Variants in SAMD3 observed in about 807,000 individuals in gnomAD.
SAMD3 encodes sterile alpha motif domain-containing protein 3.
A neutral mutation model predicts 58.5 loss-of-function variants in SAMD3; 63 were observed. The ratio of observed to expected loss-of-function variants is 1.08; its 90% CI spans 0.88 to 1.33. The LOEUF (loss-of-function observed/expected upper bound fraction) is 1.33, where lower values mean the gene tolerates loss of function less well. Ranked by LOEUF, SAMD3 falls within the 40% of genes most tolerant of loss-of-function variation. The pLI is 0.00. For synonymous variants in SAMD3, 220 were observed against 210.3 expected (o/e 1.05, Z -0.40); for missense variants, 604 against 608.4 (o/e 0.99, Z 0.08).
intron 2 of SAMD3, among the ~76,000 whole-genome samples, chr6:130,277,377 T>C (rs1774812122): frequency 6.6e-6 from 1 of 152,234 alleles, no homozygotes; most frequent in Non-Finnish European, 1.5e-5. Flanking sequence ...AGCCAGCCTG[T>C]AAGGCTAGAA....
chr6:130,205,608 G>A (rs778285052), intron 5 of SAMD3, among the ~76,000 whole-genome samples: 25 of 152,118 alleles, frequency 1.6e-4, no homozygotes, highest in Non-Finnish European at 2.9e-4. Flanking sequence ...TCAGCCCCAA[G>A]TTCCATTTTA....
chr6:130,167,582 CAGTT>C (rs1321588426), intron 8 of SAMD3, among the ~76,000 whole-genome samples: 3 of 152,184 alleles, frequency 2.0e-5, no homozygotes, highest in Non-Finnish European at 4.4e-5. Context: ...TGAAATTACT[CAGTT>C]AAGTGTACTG....
At chr6:130,248,626 C>G (rs902328570) in intron 2 of SAMD3, among the ~76,000 whole-genome samples, 1 of 152,066 alleles carries the variant, frequency 6.6e-6, no homozygotes. Context: ...CTTGCAAGGC[C>G]TCAGGAGAAA....
intron 2 of SAMD3, among the ~76,000 whole-genome samples, chr6:130,248,179 C>CGTGTGTGTGTGT (rs71810571): frequency 1.4e-5 from 2 of 146,284 alleles, no homozygotes; most frequent in African/African-American, 5.0e-5. Flanking sequence ...AAGTGTTTTG[C>CGTGTGTGTGTGT]GTGTGTGTGT....
At chr6:130,272,809 GCTGGGATT>G (rs1172412432) in intron 2 of SAMD3, among the ~76,000 whole-genome samples, 1 of 152,126 alleles carries the variant, frequency 6.6e-6, no homozygotes, top group Admixed American at 6.6e-5. Context: ...TTCCCAAGTA[GCTGGGATT>G]CCTGGGACAT....
chr6:130,356,204 T>C, intron 1 of SAMD3, among the ~76,000 whole-genome samples: 1 of 152,180 alleles, frequency 6.6e-6, no homozygotes, highest in East Asian at 1.9e-4. Context: ...TCTGACTCCT[T>C]ATCCTCTCTC....
intron 2 of SAMD3, among the ~76,000 whole-genome samples, chr6:130,308,395 A>ATTCT (rs1554273465): frequency 9.2e-4 from 131 of 142,710 alleles, no homozygotes; most frequent in Admixed American, 1.3e-3. Flanking sequence ...ATTCTATTCT[A>ATTCT]TTCTATTCTA....
chr6:130,283,620 G>T (rs531319730), intron 2 of SAMD3, among the ~76,000 whole-genome samples: 6 of 152,204 alleles, frequency 3.9e-5, no homozygotes, highest in African/African-American at 1.4e-4. Context: ...ATTACTAAGA[G>T]AAAATAATTG....
chr6:130,362,416 C>A (rs1461932440), intron 1 of SAMD3, among the ~76,000 whole-genome samples: 1 of 152,250 alleles, frequency 6.6e-6, no homozygotes, highest in Non-Finnish European at 1.5e-5. Flanking sequence ...CCACTACCAT[C>A]TTCTCTCATT....
At chr6:130,308,388 C>CTATTCTATTCTATTCTATTCTATT (rs1776003044) in intron 2 of SAMD3, among the ~76,000 whole-genome samples, 2 of 144,362 alleles carry the variant, frequency 1.4e-5, no homozygotes, top group African/African-American at 5.3e-5. Flanking sequence ...CTATTCTATT[C>CTATTCTATTCTATTCTATTCTATT]TATTCTATTC....
At chr6:130,262,055 G>C (rs1341716303) in intron 2 of SAMD3, among the ~76,000 whole-genome samples, 2 of 144,242 alleles carry the variant, frequency 1.4e-5, no homozygotes, top group Non-Finnish European at 2.9e-5. Context: ...ATATATACAA[G>C]TAGTTAAGAA....
rs74713099 is a variant in SAMD3, at chr6:130,340,096, G to T, written c.-304+25024C>A. On this transcript the variant is annotated intron_variant, in intron 1 of 13. Transcript: ENST00000368134. ...ACTTACATCTAATCTATAATGCACAGATGGTTTACAATATGTGTTCAATAA... is the reference window on the plus strand; with the variant it reads ...ACTTACATCTAATCTATAATGCACATATGGTTTACAATATGTGTTCAATAA... Among the ~76,000 whole-genome samples the T allele has an allele frequency of 3.5e-4, 53 of 152,266 alleles. No individual in the cohort carries two copies. The East Asian group carries it at 0.01, about 29-fold the overall frequency.
chr6:130,365,716 C>T (rs1778119249), upstream of SAMD3: 6 of 985,354 alleles, frequency 6.1e-6, no homozygotes, highest in African/African-American at 1.7e-5. Flanking sequence ...AGAGCGCCTG[C>T]AAGCGGGTAC....
intron 2 of SAMD3, among the ~76,000 whole-genome samples, chr6:130,294,434 A>G (rs1775487371): frequency 6.6e-6 from 1 of 152,152 alleles, no homozygotes; most frequent in Non-Finnish European, 1.5e-5. Context: ...GCCCCTCGTT[A>G]TTAATGTTTA....
At chr6:130,320,267 A>T (rs1312461602) in intron 1 of SAMD3, among the ~76,000 whole-genome samples, 1 of 152,232 alleles carries the variant, frequency 6.6e-6, no homozygotes, top group Non-Finnish European at 1.5e-5. Flanking sequence ...TTCATCAAAG[A>T]AGATAAATGA....
chr6:130,181,927 T>C (rs1490430033), intron 7 of SAMD3, among the ~76,000 whole-genome samples: 1 of 152,010 alleles, frequency 6.6e-6, no homozygotes, highest in East Asian at 1.9e-4. Flanking sequence ...TACCTGGGCG[T>C]GGTGGGGGGC....
At position 130,194,245 on chromosome 6, in the gene SAMD3, T is replaced by C. The variant is rs1011606150; in HGVS notation, c.384-9622A>G. On this transcript the variant is annotated intron_variant, in intron 5 of 11. Transcript: ENST00000439090. Reference sequence around the variant, plus strand: ...CGACCTCTCCCAAATCAGTTAGCATTTAGACTCTTTTTCGTCAAATATAAA... The same window carrying C: ...CGACCTCTCCCAAATCAGTTAGCATCTAGACTCTTTTTCGTCAAATATAAA... Among the ~76,000 whole-genome samples the C allele has an allele frequency of 2.0e-5, 3 of 152,212 alleles. No individual in the cohort carries two copies. The East Asian group carries it at 5.8e-4, about 29-fold the overall frequency.
chr6:130,193,374 C>G (rs879592118), intron 5 of SAMD3, among the ~76,000 whole-genome samples: 1 of 151,896 alleles, frequency 6.6e-6, no homozygotes, highest in African/African-American at 2.4e-5. Context: ...TGACCTCTTA[C>G]ATCTCTGCAC....
chr6:130,220,071 G>A (rs1239335410), intron 1 of SAMD3, among the ~76,000 whole-genome samples: 1 of 152,004 alleles, frequency 6.6e-6, no homozygotes, highest in Non-Finnish European at 1.5e-5. Flanking sequence ...GCACTATCTC[G>A]GCTCATTGCA....
Sources: gnomAD v4.1 joint callset for allele counts (sites outside exome capture counted in the v4.1 genomes callset) on GRCh38, gnomAD v4.1.1 for gene constraint, MANE v1.5 for transcripts, NCBI Gene and HGNC (gene_info 2026-07-23, HGNC 2026-07-21) for gene names.